Variants in RNF180 observed in about 807,000 individuals in gnomAD.
RNF180 encodes the protein ring finger protein 180, also known as E3 ubiquitin-protein ligase RNF180.
Under a neutral mutation model 59.2 loss-of-function variants are expected in RNF180, and 38 were observed. That is an observed-to-expected ratio of 0.64 (90% CI 0.50 to 0.84). The LOEUF is 0.84. Ranked by LOEUF, RNF180 falls within the 40% of genes least tolerant of loss-of-function variation. RNF180 has a pLI of 0.00. For missense variants in RNF180, 705 were observed against 700.9 expected (o/e 1.01, Z -0.07); for synonymous variants, 262 against 240.3 (o/e 1.09, Z -0.84).
intron 7 of RNF180, among the ~76,000 whole-genome samples, chr5:64,367,061 A>G (rs1178392817): frequency 1.3e-5 from 2 of 151,570 alleles, no homozygotes. Context: ...GAATAGAATG[A>G]CATATTCAAA....
In RNF180 at chr5:64,365,541, T is replaced by C. The variant is rs796540557; in HGVS notation, c.1580-4074T>C. On this transcript the variant is annotated intron_variant, in intron 7 of 7. Transcript: ENST00000389100. ...CAAGTTCAGGTCCCGAATATCTTTG[T>C]TAATTTCCCTCCTCAGTGATCTAGT... Among the ~76,000 whole-genome samples, 3 of 151,674 alleles carry C rather than the reference T, an allele frequency of 2.0e-5. No homozygotes were observed. The South Asian group carries it at 6.2e-4, about 31-fold the overall frequency.
At chr5:64,351,297 T>C (rs953317288) in intron 7 of RNF180, among the ~76,000 whole-genome samples, 1 of 152,168 alleles carries the variant, frequency 6.6e-6, no homozygotes, top group Non-Finnish European at 1.5e-5. Context: ...CTTAAGGAGA[T>C]TTTGGGCTGA....
At chr5:64,360,269 TCAATAA>T (rs1403043931) in intron 7 of RNF180, among the ~76,000 whole-genome samples, 2 of 150,280 alleles carry the variant, frequency 1.3e-5, no homozygotes, top group Non-Finnish European at 3.0e-5. Context: ...TATACGCAAA[TCAATAA>T]ATGTAATCCA....
At position 64,371,080 on chromosome 5, in the gene RNF180, A is replaced by G. The variant is rs1231345869; in HGVS notation, c.*1266A>G. 2.0e-5 allele frequency: 3 copies of G among 151,718 alleles called. No individual in the cohort carries two copies. The highest frequency in any genetic ancestry group is 4.4e-5 in the Non-Finnish European group (3 of 67,726). The allele number at this position is 151,718 out of a possible 1,614,324, so 9.4% of individuals were successfully genotyped here. ...TAATTGCTACTAACTGTATTTCAATAAAAGCACTTGACTGTTGGTATGTGA... is the reference window on the plus strand; with the variant it reads ...TAATTGCTACTAACTGTATTTCAATGAAAGCACTTGACTGTTGGTATGTGA... On this transcript the variant is annotated 3_prime_UTR_variant, in exon 8 of 8. Coordinates refer to ENST00000389100, the MANE Select transcript of RNF180 (RefSeq NM_001113561.2).
intron 1 of RNF180, among the ~76,000 whole-genome samples, chr5:64,172,239 G>A (rs1027341604): frequency 5.8e-4 from 89 of 152,300 alleles, no homozygotes; most frequent in African/African-American, 2.1e-3. Context: ...GCACAGGTAT[G>A]TGTGTGAGTA....
At chr5:64,254,096 A>C (rs1338639493) in intron 5 of RNF180, among the ~76,000 whole-genome samples, 1 of 152,188 alleles carries the variant, frequency 6.6e-6, no homozygotes, top group East Asian at 1.9e-4. Flanking sequence ...AACTCTGATA[A>C]ACAGAAATTA....
At chr5:64,251,491 T>G (rs1198573184) in intron 5 of RNF180, among the ~76,000 whole-genome samples, 1 of 152,202 alleles carries the variant, frequency 6.6e-6, no homozygotes, top group East Asian at 1.9e-4. Flanking sequence ...GTGCCATCAT[T>G]AGCTCACTGC....
intron 5 of RNF180, among the ~76,000 whole-genome samples, chr5:64,266,749 G>A (rs1744702575): frequency 6.6e-6 from 1 of 152,146 alleles, no homozygotes; most frequent in Non-Finnish European, 1.5e-5. Flanking sequence ...AGGGGAGGGA[G>A]TAGAGAGTAG....
intron 1 of RNF180, among the ~76,000 whole-genome samples, chr5:64,169,508 C>T (rs1049356032): frequency 2.6e-5 from 4 of 152,160 alleles, no homozygotes; most frequent in African/African-American, 9.7e-5. Context: ...GGGAGACTAC[C>T]ATTATGACTA....
chr5:64,169,114 GT>G (rs1450439457), intron 1 of RNF180, among the ~76,000 whole-genome samples: 7 of 152,174 alleles, frequency 4.6e-5, no homozygotes, highest in African/African-American at 1.7e-4. Context: ...GGAAAAACTA[GT>G]TTGGTCTTTG....
At chr5:64,354,433 A>G (rs758037873) in intron 7 of RNF180, among the ~76,000 whole-genome samples, 6 of 151,868 alleles carry the variant, frequency 4.0e-5, no homozygotes, top group Admixed American at 6.6e-5. Flanking sequence ...AACTATAACA[A>G]GTAAAAAGAT....
At chr5:64,239,119 G>C (rs1435823741) in intron 5 of RNF180, among the ~76,000 whole-genome samples, 1 of 152,066 alleles carries the variant, frequency 6.6e-6, no homozygotes, top group East Asian at 1.9e-4. Context: ...AAGTATTTGA[G>C]TATTATTTTG....
At chr5:64,319,633 G>C (rs923672175) in intron 5 of RNF180, among the ~76,000 whole-genome samples, 3 of 152,072 alleles carry the variant, frequency 2.0e-5, no homozygotes, top group African/African-American at 7.2e-5. Flanking sequence ...ACTCCCATTG[G>C]GTGGGCTGGC....
At chr5:64,345,119 C>CT (rs1211811395) in intron 7 of RNF180, among the ~76,000 whole-genome samples, 1 of 152,138 alleles carries the variant, frequency 6.6e-6, no homozygotes, top group Non-Finnish European at 1.5e-5. Context: ...TAAAGGGCTT[C>CT]TAGCCCACCT....
At chr5:64,184,518 ATT>A (rs1561172399) in intron 1 of RNF180, among the ~76,000 whole-genome samples, 1 of 152,140 alleles carries the variant, frequency 6.6e-6, no homozygotes, top group Admixed American at 6.5e-5. Flanking sequence ...CTCACCAACT[ATT>A]TGGTTACCGT....
intron 5 of RNF180, among the ~76,000 whole-genome samples, chr5:64,232,080 A>C (rs1742133317): frequency 6.6e-6 from 1 of 152,234 alleles, no homozygotes; most frequent in South Asian, 2.1e-4. Context: ...ACTAAGTGCC[A>C]GACGTTTCCT....
At position 64,200,896 on chromosome 5, in the gene RNF180, C is replaced by T; in HGVS notation, c.89C>T (p.Ala30Val). 6.2e-7 allele frequency: 1 copy of T among 1,613,318 alleles called. No homozygotes were observed. Among genetic ancestry groups the T allele is most frequent in the Admixed American group, 1.7e-5 (1 of 60,024 alleles). ...LRCWKCRKCIASSGCFMEYLE... is the reference protein window; with the variant it reads ...LRCWKCRKCIVSSGCFMEYLE... Reference sequence around the variant, plus strand: ...TGTTGGAAATGTAGAAAATGTATAGCAAGCTCTGGTTGTTTTATGGAGTAT... The same window carrying T: ...TGTTGGAAATGTAGAAAATGTATAGTAAGCTCTGGTTGTTTTATGGAGTAT... The change falls in exon 2 of 8, where the codon GCA becomes GTA. Residue 30 changes from alanine to valine, a missense_variant. Coordinates refer to ENST00000389100, the MANE Select transcript of RNF180 (RefSeq NM_001113561.2).
intron 5 of RNF180, among the ~76,000 whole-genome samples, chr5:64,309,557 C>T (rs980854204): frequency 5.3e-5 from 8 of 151,354 alleles, no homozygotes; most frequent in South Asian, 2.1e-4. Flanking sequence ...ATACTAATAT[C>T]GGACCTTTTC....
At chr5:64,338,848 G>A (rs1338642443) in intron 7 of RNF180, among the ~76,000 whole-genome samples, 1 of 151,820 alleles carries the variant, frequency 6.6e-6, no homozygotes, top group Admixed American at 6.6e-5. Flanking sequence ...TCCTCAATTT[G>A]TTAATGCACT....
Sources: allele counts gnomAD v4.1 joint callset (sites outside exome capture counted in the v4.1 genomes callset), GRCh38; gene constraint gnomAD v4.1.1; transcripts MANE v1.5; gene names NCBI Gene and HGNC (gene_info 2026-07-23, HGNC 2026-07-21).